TAF3: variants seen among roughly 807,000 people sequenced by gnomAD.
TAF3 encodes the protein transcription initiation factor TFIID subunit 3.
TAF3 carries 7 observed loss-of-function variants against 80.6 expected under a neutral mutation model. The observed-to-expected ratio is 0.09, with a 90% confidence interval of 0.05 to 0.16. The LOEUF (loss-of-function observed/expected upper bound fraction) is 0.16, where lower values mean the gene tolerates loss of function less well. TAF3 is among the 10% of genes least tolerant of loss of function. The pLI is 1.00. For synonymous variants in TAF3, 444 were observed against 446.1 expected (o/e 1.00, Z 0.06); for missense variants, 921 against 1,140.2 (o/e 0.81, Z 2.77).
chr10:7,991,005 C>A (rs1772054603), intron 4 of TAF3, among the ~76,000 whole-genome samples: 1 of 152,184 alleles, frequency 6.6e-6, no homozygotes, highest in South Asian at 2.1e-4. Context: ...TGCCTTCAAC[C>A]CTTTTAAGAC....
At chr10:7,892,821 T>TC (rs1837468526) in intron 2 of TAF3, among the ~76,000 whole-genome samples, 3 of 149,704 alleles carry the variant, frequency 2.0e-5, no homozygotes, top group African/African-American at 2.4e-5. Context: ...TCTTTTTCTT[T>TC]TTTTTTTTTT....
intron 4 of TAF3, among the ~76,000 whole-genome samples, chr10:7,986,036 G>A (rs375831062): frequency 2.0e-5 from 3 of 151,952 alleles, no homozygotes; most frequent in East Asian, 3.9e-4. Flanking sequence ...CACCCACCTC[G>A]GCCTCCCAGA....
intron 2 of TAF3, among the ~76,000 whole-genome samples, chr10:7,962,246 T>A (rs1246521907): frequency 1.3e-5 from 2 of 152,174 alleles, no homozygotes; most frequent in Non-Finnish European, 2.9e-5. Flanking sequence ...AGAATATCCT[T>A]CACCTCTGCT....
chr10:7,867,768 AATAT>A (rs772982390), intron 2 of TAF3, among the ~76,000 whole-genome samples: 2 of 152,232 alleles, frequency 1.3e-5, no homozygotes, highest in Non-Finnish European at 2.9e-5. Context: ...ACCCTTGAAC[AATAT>A]GGGAGTTGGG....
intron 4 of TAF3, among the ~76,000 whole-genome samples, chr10:7,983,454 T>C (rs1021738756): frequency 1.3e-5 from 2 of 152,220 alleles, no homozygotes; most frequent in East Asian, 1.9e-4. Context: ...AAGGATACTT[T>C]AGATGTAACG....
intron 2 of TAF3, among the ~76,000 whole-genome samples, chr10:7,840,087 A>T (rs987335990): frequency 3.5e-4 from 53 of 150,888 alleles, no homozygotes; most frequent in Middle Eastern, 3.5e-3. Flanking sequence ...GGATTGAAAA[A>T]TTTTTTTTTT....
intron 2 of TAF3, among the ~76,000 whole-genome samples, chr10:7,878,711 A>C (rs1283918969): frequency 6.7e-6 from 1 of 148,790 alleles, no homozygotes; most frequent in African/African-American, 2.6e-5. Context: ...GTATGTATGT[A>C]TGTATGTATG....
intron 2 of TAF3, among the ~76,000 whole-genome samples, chr10:7,864,550 C>T (rs1005530480): frequency 7.2e-5 from 11 of 152,298 alleles, no homozygotes; most frequent in African/African-American, 2.2e-4. Context: ...CCTATCTAAG[C>T]GTAATAATGT....
chr10:7,926,581 T>C (rs539535318), intron 2 of TAF3, among the ~76,000 whole-genome samples: 5 of 152,344 alleles, frequency 3.3e-5, no homozygotes, highest in Admixed American at 2.0e-4. Flanking sequence ...CCATGAGTTA[T>C]TGTCTGTTAT....
At chr10:7,848,699 G>A (rs1160838825) in intron 2 of TAF3, among the ~76,000 whole-genome samples, 1 of 152,158 alleles carries the variant, frequency 6.6e-6, no homozygotes, top group Non-Finnish European at 1.5e-5. Flanking sequence ...TGGCTTTGTT[G>A]GAAAGGAAGG....
intron 4 of TAF3, among the ~76,000 whole-genome samples, chr10:7,996,140 G>C (rs1281082285): frequency 6.6e-6 from 1 of 152,142 alleles, no homozygotes; most frequent in Non-Finnish European, 1.5e-5. Flanking sequence ...AACATCAGTT[G>C]CTTCCTAGTT....
intron 2 of TAF3, among the ~76,000 whole-genome samples, chr10:7,933,269 G>C (rs149155274): frequency 0.011 from 1,657 of 152,276 alleles, 19 homozygotes; most frequent in Middle Eastern, 0.031. Context: ...GAACATACAA[G>C]TGTTTACATG....
At chr10:8,007,561 A>ATT (rs1241330207) in intron 4 of TAF3, among the ~76,000 whole-genome samples, 7 of 62,218 alleles carry the variant, frequency 1.1e-4, no homozygotes, top group African/African-American at 2.7e-4. Flanking sequence ...TGTGTGTGAA[A>ATT]TTATATATAT....
intron 2 of TAF3, among the ~76,000 whole-genome samples, chr10:7,894,531 C>G (rs917080950): frequency 4.2e-4 from 64 of 152,146 alleles, no homozygotes; most frequent in African/African-American, 1.4e-3. Flanking sequence ...GGTGGTTGAA[C>G]TGTTAAAAGT....
chr10:7,920,899 A>G (rs944494021), intron 2 of TAF3, among the ~76,000 whole-genome samples: 4 of 152,230 alleles, frequency 2.6e-5, no homozygotes, highest in African/African-American at 9.6e-5. Flanking sequence ...TGGTTTCCCA[A>G]ATCTTAAAGC....
At chr10:7,866,684 T>C (rs1487058549) in intron 2 of TAF3, among the ~76,000 whole-genome samples, 3 of 152,050 alleles carry the variant, frequency 2.0e-5, no homozygotes, top group Admixed American at 1.3e-4. Context: ...ATTGAAGAGT[T>C]TTAAGTTATT....
At chr10:7,870,820 G>A (rs1588532942) in intron 2 of TAF3, among the ~76,000 whole-genome samples, 1 of 151,886 alleles carries the variant, frequency 6.6e-6, no homozygotes, top group East Asian at 1.9e-4. Context: ...CTTCTGCCCT[G>A]CCACCCCCAC....
chr10:8,004,661 CTTT>C (rs1028163537), intron 4 of TAF3, among the ~76,000 whole-genome samples: 1 of 152,068 alleles, frequency 6.6e-6, no homozygotes, highest in African/African-American at 2.4e-5. Context: ...CCTGTTTCTT[CTTT>C]GAGAGGAATT....
intron 2 of TAF3, among the ~76,000 whole-genome samples, chr10:7,935,576 A>T (rs1478523948): frequency 6.6e-6 from 1 of 152,156 alleles, no homozygotes; most frequent in Non-Finnish European, 1.5e-5. Flanking sequence ...AGAGAGAGAC[A>T]ACGTCTCAAA....
Sources: gnomAD v4.1 joint callset for allele counts (sites outside exome capture counted in the v4.1 genomes callset) on GRCh38, gnomAD v4.1.1 for gene constraint, MANE v1.5 for transcripts, NCBI Gene and HGNC (gene_info 2026-07-23, HGNC 2026-07-21) for gene names.